The following NBPF9 variants were observed in gnomAD, a reference collection of about 807,000 sequenced individuals.
The protein encoded by NBPF9 is NBPF family member NBPF9.
Under a neutral mutation model 97.8 loss-of-function variants are expected in NBPF9, and 91 were observed. That is an observed-to-expected ratio of 0.93 (90% CI 0.79 to 1.11). NBPF9 has a LOEUF of 1.11. NBPF9 is among the 50% of genes least tolerant of loss of function. The pLI is 0.00. For missense variants in NBPF9, 992 were observed against 939.5 expected, an observed-to-expected ratio of 1.06 and a Z score of -0.73; for synonymous variants, 334 against 359.5, an observed-to-expected ratio of 0.93 and a Z score of 0.80.
intron 4 of NBPF9, among the ~76,000 whole-genome samples, chr1:149,097,005 C>T (rs2081808164): frequency 7.0e-6 from 1 of 142,584 alleles, no homozygotes; most frequent in Admixed American, 7.3e-5. Context: ...AAAGAGAGAA[C>T]ATGAGAGACA....
chr1:149,073,893 G>A (rs781808846), intron 12 of NBPF9, 23 bp from the exon 13 acceptor site: 1 of 1,421,658 alleles, frequency 7.0e-7, no homozygotes, highest in South Asian at 1.1e-5. Context: ...AGACACGCCT[G>A]CCTCAGTGGA....
At chr1:149,098,092 C>T (rs1236644392) in intron 4 of NBPF9, among the ~76,000 whole-genome samples, 36 of 147,292 alleles carry the variant, frequency 2.4e-4, no homozygotes, top group African/African-American at 3.3e-4. Context: ...TGAAAGGGGA[C>T]GGCAGGGTGG....
intron 25 of NBPF9, chr1:149,059,459 G>C: frequency 2.5e-6 from 1 of 398,368 alleles, no homozygotes; most frequent in East Asian, 3.6e-5. Context: ...CTCAAAATTC[G>C]ATGCAGTGGC....
chr1:149,064,797 A>G, intron 18 of NBPF9: 4 of 580,346 alleles, frequency 6.9e-6, no homozygotes, highest in Non-Finnish European at 1.2e-5. Flanking sequence ...ACCTCATAGG[A>G]GAGATACTTC....
At chr1:149,080,857 T>C (rs1454404107) in intron 7 of NBPF9, among the ~76,000 whole-genome samples, 24 of 150,686 alleles carry the variant, frequency 1.6e-4, no homozygotes, top group Non-Finnish European at 3.2e-4. Context: ...CCTCATGTAA[T>C]TCATTGCAGC....
In NBPF9 at chr1:149,102,966, G is replaced by A. The variant is rs1340489947; in HGVS notation, c.-842-119C>T. 1.1e-3 allele frequency: 172 copies of A among 151,802 alleles called. 1 individual carries two copies. The highest frequency in any genetic ancestry group is 3.9e-3 in the African/African-American group (160 of 41,466). 9.4% of individuals were successfully genotyped at this position (151,802 alleles called of 1,614,324 possible). On this transcript the variant is annotated intron_variant, in intron 1 of 29. Coordinates refer to ENST00000584027, the Ensembl canonical transcript of NBPF9. Reference sequence around the variant, plus strand: ...AGAGGCAACCGATTTCTGGCCTCGAGGGTGGGGTGCGGGGTCAGGGTCCTC... The same window carrying A: ...AGAGGCAACCGATTTCTGGCCTCGAAGGTGGGGTGCGGGGTCAGGGTCCTC...
rs587736763 is a variant in NBPF9, at chr1:149,083,000, G to A, written c.-194-570C>T. Among the ~76,000 whole-genome samples the A allele has an allele frequency of 4.1e-4, 47 of 115,314 alleles. No homozygotes were observed. The East Asian group carries it at 6.4e-3, about 16-fold the overall frequency. 75.7% of individuals were successfully genotyped at this position (115,314 alleles called of 152,430 possible). ...TTTTTTTTGTATTTTTAGTAGAGAC[G>A]GGGTTTCACTGTGTTAGCCACGATG... On this transcript the variant is annotated intron_variant, in intron 5 of 29. Transcript: ENST00000584027.
intron 11 of NBPF9, among the ~76,000 whole-genome samples, chr1:149,076,619 CA>C (rs1189518563): frequency 6.7e-6 from 1 of 150,316 alleles, no homozygotes; most frequent in Non-Finnish European, 1.5e-5. Context: ...TCTCCTGCCT[CA>C]GCCTCCTGAG....
rs1470382159 is a variant in NBPF9 at position 149,060,961 on chromosome 1, T to C, written c.2304-266A>G. On this transcript the variant is annotated intron_variant, in intron 23 of 29. Coordinates refer to ENST00000584027, the Ensembl canonical transcript of NBPF9. ...CACAGAGAACGAGCTCAGTGAATTGTCCAGATGACACACTGATGAGGGAGT... is the reference window on the plus strand; with the variant it reads ...CACAGAGAACGAGCTCAGTGAATTGCCCAGATGACACACTGATGAGGGAGT... The C allele has an allele frequency of 7.2e-6, 3 of 416,882 alleles. 1 individual carries two copies. In the East Asian group the frequency reaches 1.0e-4, roughly 14 times the overall value. 25.8% of individuals were successfully genotyped at this position (416,882 alleles called of 1,614,324 possible).
At chr1:149,064,724 T>C in intron 18 of NBPF9, 2 of 619,116 alleles carry the variant, frequency 3.2e-6, no homozygotes, top group South Asian at 3.9e-5. Flanking sequence ...TGCTCTGTCC[T>C]AGGTTTATGT....
intron 1 of NBPF9, among the ~76,000 whole-genome samples, 163 bp downstream of exon 1, chr1:149,103,138 G>C (rs587770417): frequency 6.6e-6 from 1 of 151,802 alleles, no homozygotes. Context: ...CGAACGCATG[G>C]AACTTAAGCC....
At chr1:149,062,170 G>C (rs781841692) in exon 22 of NBPF9, 1 of 905,562 alleles carries the variant, frequency 1.1e-6, no homozygotes, top group Non-Finnish European at 1.9e-6. Context: ...GCCTAAGTCA[G>C]GCAGTTCAAG....
intron 13 of NBPF9, 91 bp from the exon 14 acceptor site, chr1:149,073,023 C>A (rs2079546903): frequency 8.5e-6 from 12 of 1,415,716 alleles, no homozygotes; most frequent in Non-Finnish European, 1.0e-5. Flanking sequence ...ACAGTGTCCT[C>A]AAGGAGACCT....
intron 5 of NBPF9, among the ~76,000 whole-genome samples, chr1:149,088,448 G>C: frequency 6.6e-6 from 1 of 152,174 alleles, no homozygotes; most frequent in Non-Finnish European, 1.5e-5. Context: ...AATTAGAAGA[G>C]TAACAACAGG....
At chr1:149,055,375 T>C (rs1391558973) in exon 30 of NBPF9, 11 of 614,462 alleles carry the variant, frequency 1.8e-5, no homozygotes, top group Non-Finnish European at 8.2e-6. Context: ...CTGAGGAATT[T>C]TGTAGCTACC....
At chr1:149,059,307 G>A in intron 25 of NBPF9, 1 of 486,536 alleles carries the variant, frequency 2.1e-6, no homozygotes, top group South Asian at 2.3e-5. Context: ...CAGAGACAGA[G>A]ACAGAGAGAA....
At chr1:149,073,906 G>A in intron 12 of NBPF9, 36 bp from the exon 13 acceptor site, 1 of 1,348,066 alleles carries the variant, frequency 7.4e-7, no homozygotes, top group Non-Finnish European at 1.1e-6. Context: ...TCAGTGGAAG[G>A]CTGGACATGC....
At chr1:149,055,941 C>G (rs1553648800) in intron 29 of NBPF9, 42 bp from the exon 30 acceptor site, 7 of 1,611,804 alleles carry the variant, frequency 4.3e-6, no homozygotes, top group South Asian at 3.3e-5. Flanking sequence ...CAGGGAAAAT[C>G]AGACACCACA....
At chr1:149,064,619 A>G in intron 18 of NBPF9, 137 bp from the exon 19 acceptor site, 1 of 644,736 alleles carries the variant, frequency 1.6e-6, no homozygotes, top group Non-Finnish European at 2.7e-6. Context: ...GAAATATTCC[A>G]GTAGGCCTGA....
Sources: allele counts gnomAD v4.1 joint callset (sites outside exome capture counted in the v4.1 genomes callset), GRCh38; gene constraint gnomAD v4.1.1; transcripts MANE v1.5; gene names NCBI Gene and HGNC (gene_info 2026-07-23, HGNC 2026-07-21).